The following SLC8A1 variants were observed in gnomAD, a reference collection of about 807,000 sequenced individuals.
The protein encoded by SLC8A1 is solute carrier family 8 member A1.
SLC8A1 carries 18 observed loss-of-function variants against 68.3 expected under a neutral mutation model. The ratio of observed to expected loss-of-function variants is 0.26; its 90% CI spans 0.18 to 0.39. The LOEUF (loss-of-function observed/expected upper bound fraction) is 0.39, where lower values mean the gene tolerates loss of function less well. SLC8A1 is among the 10% of genes least tolerant of loss of function. SLC8A1 has a pLI of 1.00. For synonymous variants in SLC8A1, 475 were observed against 415.5 expected, an observed-to-expected ratio of 1.14 and a Z score of -1.74; for missense variants, 985 against 1,156.7, an observed-to-expected ratio of 0.85 and a Z score of 2.15.
chr2:40,355,315 C>T (rs1166380125), intron 2 of SLC8A1, among the ~76,000 whole-genome samples: 2 of 152,152 alleles, frequency 1.3e-5, no homozygotes, highest in East Asian at 1.9e-4. Context: ...CAAAGCCTCT[C>T]AGTGCTCAGG....
chr2:40,512,171 G>A (rs964965111), intron 1 of SLC8A1, among the ~76,000 whole-genome samples: 1 of 152,146 alleles, frequency 6.6e-6, no homozygotes, highest in East Asian at 1.9e-4. Flanking sequence ...TCCCTGTCTT[G>A]TGGAGGCAGA....
intron 1 of SLC8A1, among the ~76,000 whole-genome samples, chr2:40,502,268 C>CA (rs1219184153): frequency 1.3e-4 from 20 of 152,146 alleles, no homozygotes; most frequent in African/African-American, 4.8e-4. Context: ...TTCATCTAAC[C>CA]CACTGAAGAA....
chr2:40,476,288 G>C (rs936839638), intron 1 of SLC8A1, among the ~76,000 whole-genome samples: 2 of 152,160 alleles, frequency 1.3e-5, no homozygotes, highest in Non-Finnish European at 2.9e-5. Context: ...GTTTCCCAGG[G>C]ATGCCTCGGA....
At chr2:40,103,226 T>G (rs974545243) in exon 8 of SLC8A1, 1 of 152,226 alleles carries the variant, frequency 6.6e-6, no homozygotes, top group African/African-American at 2.4e-5. Context: ...CAGAGTTCAC[T>G]ATGGTTGCTT....
At chr2:40,270,024 G>A (rs2065836061) in intron 2 of SLC8A1, among the ~76,000 whole-genome samples, 1 of 152,106 alleles carries the variant, frequency 6.6e-6, no homozygotes, top group Non-Finnish European at 1.5e-5. Flanking sequence ...CCCTAGTCTA[G>A]AGTGGGCAAC....
intron 2 of SLC8A1, among the ~76,000 whole-genome samples, chr2:40,288,655 A>T (rs2068728931): frequency 6.6e-6 from 1 of 152,030 alleles, no homozygotes; most frequent in Admixed American, 6.6e-5. Context: ...GCTAGAAATC[A>T]TCCGCATAGT....
chr2:40,210,594 T>A (rs2056406131), intron 2 of SLC8A1, among the ~76,000 whole-genome samples: 1 of 152,210 alleles, frequency 6.6e-6, no homozygotes, highest in African/African-American at 2.4e-5. Flanking sequence ...CATTAAGTCA[T>A]CTTAAAAGGG....
At chr2:40,475,091 C>A (rs1704200469) in intron 1 of SLC8A1, among the ~76,000 whole-genome samples, 1 of 152,130 alleles carries the variant, frequency 6.6e-6, no homozygotes, top group Admixed American at 6.5e-5. Flanking sequence ...CAGCAGTTCT[C>A]AAAACTTGTG....
At chr2:40,185,735 G>C (rs1302844977) in intron 2 of SLC8A1, among the ~76,000 whole-genome samples, 1 of 152,110 alleles carries the variant, frequency 6.6e-6, no homozygotes, top group Non-Finnish European at 1.5e-5. Flanking sequence ...TATTTTAAAT[G>C]GTTGAATCCT....
At chr2:40,503,474 A>T (rs977807087) in intron 1 of SLC8A1, among the ~76,000 whole-genome samples, 16 of 152,038 alleles carry the variant, frequency 1.1e-4, no homozygotes, top group African/African-American at 3.9e-4. Context: ...CAGACAACAG[A>T]AGGATATAAA....
At chr2:40,372,523 A>G (rs910315304) in intron 2 of SLC8A1, among the ~76,000 whole-genome samples, 1 of 152,154 alleles carries the variant, frequency 6.6e-6, no homozygotes, top group African/African-American at 2.4e-5. Context: ...TGGATTCCAT[A>G]TTCTGTGGGC....
chr2:40,496,226 C>T (rs1559771424), intron 1 of SLC8A1, among the ~76,000 whole-genome samples: 1 of 152,080 alleles, frequency 6.6e-6, no homozygotes, highest in East Asian at 1.9e-4. Flanking sequence ...GATTACTTGG[C>T]TAGATTTACT....
intron 2 of SLC8A1, among the ~76,000 whole-genome samples, chr2:40,242,411 T>A (rs919457566): frequency 6.6e-6 from 1 of 152,248 alleles, no homozygotes; most frequent in Non-Finnish European, 1.5e-5. Flanking sequence ...ACCTCATTGT[T>A]GTCCTGGATT....
exon 8 of SLC8A1, chr2:40,114,115 A>C (rs2034924042): frequency 6.6e-6 from 1 of 152,670 alleles, no homozygotes; most frequent in Admixed American, 6.5e-5. Flanking sequence ...TATGTACTAT[A>C]CTCTACTATA....
At chr2:40,191,875 T>C (rs1469578235) in intron 2 of SLC8A1, among the ~76,000 whole-genome samples, 1 of 152,184 alleles carries the variant, frequency 6.6e-6, no homozygotes, top group East Asian at 1.9e-4. Context: ...GGAAACGTTG[T>C]TTTGAGGATT....
intron 3 of SLC8A1, among the ~76,000 whole-genome samples, chr2:40,175,652 C>A (rs553243372): frequency 8.0e-4 from 121 of 152,018 alleles, no homozygotes; most frequent in Non-Finnish European, 1.5e-3. Flanking sequence ...TCATTCTTAA[C>A]TTGATATGAG....
At chr2:40,402,506 T>C (rs1235180896) in intron 2 of SLC8A1, among the ~76,000 whole-genome samples, 1 of 152,208 alleles carries the variant, frequency 6.6e-6, no homozygotes, top group Non-Finnish European at 1.5e-5. Flanking sequence ...TTGCCCCGAA[T>C]TCTTTCTTGC....
intron 2 of SLC8A1, among the ~76,000 whole-genome samples, chr2:40,275,505 T>A (rs2066587292): frequency 6.6e-6 from 1 of 152,210 alleles, no homozygotes; most frequent in Admixed American, 6.5e-5. Context: ...GTCCTTAGGG[T>A]AGAGCCTGCG....
At chr2:40,440,468 A>G (rs1700257765) in intron 1 of SLC8A1, among the ~76,000 whole-genome samples, 1 of 152,172 alleles carries the variant, frequency 6.6e-6, no homozygotes, top group Non-Finnish European at 1.5e-5. Flanking sequence ...GATTAATAGG[A>G]GAACATTCAT....
Sources: gnomAD v4.1 joint callset for allele counts (sites outside exome capture counted in the v4.1 genomes callset) on GRCh38, gnomAD v4.1.1 for gene constraint, MANE v1.5 for transcripts, NCBI Gene and HGNC (gene_info 2026-07-23, HGNC 2026-07-21) for gene names.